UBAP2: variants seen among roughly 807,000 people sequenced by gnomAD.
UBAP2 encodes the protein ubiquitin associated protein 2.
A neutral mutation model predicts 139.6 loss-of-function variants in UBAP2; 75 were observed. The observed-to-expected ratio is 0.54, with a 90% CI of 0.45 to 0.65. The LOEUF is 0.65. Among genes scored for constraint, UBAP2 ranks in the 30% least tolerant of loss-of-function variants. The probability of loss-of-function intolerance (pLI) is 0.00; values close to 1 mark genes in which losing one functional copy is unlikely to be tolerated. For missense variants in UBAP2, 1,368 were observed against 1,369.6 expected (o/e 1.00, Z 0.02); for synonymous variants, 526 against 526.2 (o/e 1.00, Z 0.01).
At chr9:33,930,704 T>TA (rs1483025739) in intron 19 of UBAP2, among the ~76,000 whole-genome samples, 24 of 152,090 alleles carry the variant, frequency 1.6e-4, no homozygotes, top group Admixed American at 1.6e-3. Context: ...GAGACCAGTC[T>TA]GACCAACATA....
At chr9:34,010,717 C>T (rs551593985) in intron 2 of UBAP2, among the ~76,000 whole-genome samples, 2 of 152,144 alleles carry the variant, frequency 1.3e-5, no homozygotes, top group East Asian at 1.9e-4. Context: ...GGAGTACAGG[C>T]GGCGGCTTGG....
At chr9:33,965,277 T>C (rs1339812364) in intron 8 of UBAP2, among the ~76,000 whole-genome samples, 1 of 152,192 alleles carries the variant, frequency 6.6e-6, no homozygotes, top group Non-Finnish European at 1.5e-5. Flanking sequence ...CCATTTTTAA[T>C]TGCTCATTTG....
intron 8 of UBAP2, among the ~76,000 whole-genome samples, chr9:33,964,208 T>C (rs1466584162): frequency 6.6e-6 from 1 of 152,208 alleles, no homozygotes; most frequent in African/African-American, 2.4e-5. Context: ...GTTGGGTTTC[T>C]GAGCCTATAA....
At chr9:33,993,520 T>C (rs1014027764) in intron 4 of UBAP2, among the ~76,000 whole-genome samples, 4 of 152,100 alleles carry the variant, frequency 2.6e-5, no homozygotes, top group Non-Finnish European at 4.4e-5. Flanking sequence ...AATATAAAAA[T>C]GATTAGCCAA....
chr9:33,977,524 A>T (rs913200735), intron 6 of UBAP2, among the ~76,000 whole-genome samples: 1 of 152,128 alleles, frequency 6.6e-6, no homozygotes, highest in Non-Finnish European at 1.5e-5. Context: ...CAGAATAAAG[A>T]TCCAGAGTCT....
chr9:34,018,233 T>A (rs1362850037), intron 1 of UBAP2, among the ~76,000 whole-genome samples: 3 of 150,812 alleles, frequency 2.0e-5, no homozygotes, highest in Admixed American at 2.0e-4. Context: ...ATTACAATTT[T>A]TTTTTTTTTT....
intron 1 of UBAP2, among the ~76,000 whole-genome samples, chr9:34,027,755 G>A (rs1825534194): frequency 6.6e-6 from 1 of 151,484 alleles, no homozygotes; most frequent in African/African-American, 2.4e-5. Context: ...CAGCTACTCA[G>A]GAGACTGAGG....
At chr9:34,019,723 ACG>A (rs973719511) in intron 1 of UBAP2, among the ~76,000 whole-genome samples, 1 of 150,622 alleles carries the variant, frequency 6.6e-6, no homozygotes, top group Admixed American at 6.7e-5. Context: ...ACACACACAC[ACG>A]CACAGAAAAA....
chr9:33,926,607 C>A lies in UBAP2; in HGVS notation c.2511+10G>T, dbSNP rs1277439592. On this transcript the variant is annotated intron_variant, in intron 22 of 28. Transcript: ENST00000379238. ...AACCCTCTGCTCCGACCAGTCCATA[C>A]CCCACTCACCACTGGCAGCCGTGAC... 13 of 1,614,170 alleles carry A rather than the reference C, an allele frequency of 8.1e-6. No individual in the cohort carries two copies. Among genetic ancestry groups the A allele is most frequent in the Non-Finnish European group, 1.0e-5 (12 of 1,179,994 alleles).
rs765949922 is a variant in UBAP2 at position 33,923,944 on chromosome 9, G to A, written c.2647C>T (p.Pro883Ser). ...GATTGGCTCTGCTGTGGCTGAGCTGGTGTGGTAGCGGGTGCAGGGGATGCA... is the reference window on the plus strand; with the variant it reads ...GATTGGCTCTGCTGTGGCTGAGCTGATGTGGTAGCGGGTGCAGGGGATGCA... ...DSASPAPATT[P>S]AQPQQSQSQT... Residue 883 changes from proline (P) to serine (S), a missense_variant, in exon 24 of 29, where the codon CCA becomes TCA. Transcript: ENST00000379238. The A allele has an allele frequency of 1.3e-5, 21 of 1,614,068 alleles. No individual in the cohort carries two copies. The East Asian group carries it at 3.6e-4, about 27-fold the overall frequency.
chr9:33,980,227 T>TTTTTTTTTTTTTTTTTTTTG, intron 6 of UBAP2, among the ~76,000 whole-genome samples: 1 of 77,796 alleles, frequency 1.3e-5, no homozygotes, highest in African/African-American at 5.2e-5. Context: ...TTTCTTTTTT[T>TTTTTTTTTTTTTTTTTTTTG]TTTTTTTTTT....
At chr9:33,980,623 A>G (rs1177954897) in intron 6 of UBAP2, among the ~76,000 whole-genome samples, 5 of 152,012 alleles carry the variant, frequency 3.3e-5, no homozygotes, top group Non-Finnish European at 7.4e-5. Context: ...AAGTATATTG[A>G]TATCTTTTTC....
intron 12 of UBAP2, chr9:33,952,728 G>T (rs1826205268): frequency 6.5e-6 from 1 of 154,590 alleles, no homozygotes; most frequent in Non-Finnish European, 1.5e-5. Context: ...GTGATCATCA[G>T]TTCAAAGAAT....
chr9:34,035,962 G>A (rs1826331041), intron 1 of UBAP2, among the ~76,000 whole-genome samples: 2 of 151,684 alleles, frequency 1.3e-5, no homozygotes, highest in African/African-American at 4.8e-5. Flanking sequence ...GAGCCTGATC[G>A]CATCACTGCA....
At chr9:34,038,155 A>G (rs1277660239) in intron 1 of UBAP2, among the ~76,000 whole-genome samples, 3 of 150,496 alleles carry the variant, frequency 2.0e-5, no homozygotes, top group Non-Finnish European at 3.0e-5. Context: ...AAAAAAAAAA[A>G]AAAAAAAAAA....
At chr9:33,984,839 C>G (rs530451019) in intron 6 of UBAP2, among the ~76,000 whole-genome samples, 4 of 152,054 alleles carry the variant, frequency 2.6e-5, no homozygotes, top group African/African-American at 4.8e-5. Context: ...ATCAAAAAGA[C>G]AAAAAATAGC....
chr9:34,014,146 G>C (rs1824026864), intron 2 of UBAP2, among the ~76,000 whole-genome samples: 1 of 151,698 alleles, frequency 6.6e-6, no homozygotes, highest in Non-Finnish European at 1.5e-5. Flanking sequence ...CCAACATGGT[G>C]AAACTTCATC....
At chr9:33,928,876 G>A (rs1002354685) in intron 19 of UBAP2, 2 of 152,480 alleles carry the variant, frequency 1.3e-5, no homozygotes, top group African/African-American at 2.4e-5. Context: ...GGGCCCAGGA[G>A]AAGGACCCAA....
intron 10 of UBAP2, among the ~76,000 whole-genome samples, chr9:33,957,899 TCAA>T (rs146475912): frequency 0.14 from 21,216 of 152,084 alleles, 1,652 homozygotes; most frequent in South Asian, 0.33. Flanking sequence ...GTTCAACAAG[TCAA>T]CAAGAAGGGC....
Sources: allele counts gnomAD v4.1 joint callset (sites outside exome capture counted in the v4.1 genomes callset), GRCh38; gene constraint gnomAD v4.1.1; transcripts MANE v1.5; gene names NCBI Gene and HGNC (gene_info 2026-07-23, HGNC 2026-07-21).